The following IFIT5 variants were observed in gnomAD, a reference collection of about 807,000 sequenced individuals.
The protein encoded by IFIT5 is interferon induced protein with tetratricopeptide repeats 5.
IFIT5 carries 2 observed loss-of-function variants against 5.0 expected under a neutral mutation model. That is an observed-to-expected ratio of 0.40 (90% confidence interval 0.16 to 1.26). The LOEUF (loss-of-function observed/expected upper bound fraction) is 1.26, where lower values mean the gene tolerates loss of function less well. IFIT5 is among the 50% of genes most tolerant of loss of function. The probability of loss-of-function intolerance (pLI) is 0.33; values close to 1 mark genes in which losing one functional copy is unlikely to be tolerated. For synonymous variants in IFIT5, 206 were observed against 204.6 expected, an observed-to-expected ratio of 1.01 and a Z score of -0.06; for missense variants, 524 against 563.2, an observed-to-expected ratio of 0.93 and a Z score of 0.70.
chr10:89,414,932 C>T (rs892913661), intron 1 of IFIT5, 129 bp downstream of exon 1: 83 of 1,234,524 alleles, frequency 6.7e-5, no homozygotes, highest in East Asian at 1.2e-4. Context: ...GCCCAGCAAC[C>T]GGGCATCTGC....
chr10:89,415,720 CCTA>C (rs1205989628), intron 1 of IFIT5, among the ~76,000 whole-genome samples: 5 of 152,104 alleles, frequency 3.3e-5, no homozygotes, highest in Non-Finnish European at 5.9e-5. Context: ...GGACTGAACT[CCTA>C]CTAGTTGAGT....
Position 89,418,676 on chromosome 10 carries a change from G to A in IFIT5, c.*28G>A, listed in dbSNP as rs375704977. The A allele has an allele frequency of 9.1e-6, 14 of 1,540,038 alleles. No individual in the cohort carries two copies. The highest frequency in any genetic ancestry group is 2.1e-5 in the Admixed American group (1 of 47,090). ...ACATACTCTAGGAAATTAGCTCTAA[G>A]TTTTTCCCTTCATTTTGGGTTCTCC... On this transcript the variant is annotated 3_prime_UTR_variant, in exon 2 of 2. Coordinates refer to ENST00000371795, the MANE Select transcript of IFIT5 (RefSeq NM_012420.3).
Position 89,417,548 on chromosome 10 carries a change from AC to A in IFIT5, c.350del (p.Thr117LysfsTer4), listed in dbSNP as rs1841552848. 6.2e-7 allele frequency: 1 copy of A among 1,614,116 alleles called. No individual in the cohort carries two copies. The highest frequency in any genetic ancestry group is 8.5e-7 in the Non-Finnish European group (1 of 1,180,036). ...MDQLEEAQKY[T>X]GKIGNVCKKL... ...CCAGCTTGAAGAAGCTCAGAAGTAT[AC>A]AGGTAAGATAGGGAATGTCTGTAAG... is the stretch of plus-strand genomic sequence containing the variant. On this transcript the variant is annotated frameshift_variant, in exon 2 of 2. Coordinates refer to ENST00000371795, the MANE Select transcript of IFIT5 (RefSeq NM_012420.3). LOFTEE classifies it low-confidence loss of function (END_TRUNC).
chr10:89,415,497 T>C (rs1455715679), intron 1 of IFIT5, among the ~76,000 whole-genome samples: 2 of 152,242 alleles, frequency 1.3e-5, no homozygotes, highest in Non-Finnish European at 2.9e-5. Flanking sequence ...CAGATTGTTA[T>C]CGTCCCACCC....
At position 89,418,408 on chromosome 10, in the gene IFIT5, C is replaced by T. The variant is rs778033162; in HGVS notation, c.1209C>T (p.Ala403=). The change falls in exon 2 of 2, where the codon GCC becomes GCT. Residue 403 remains alanine, a synonymous_variant. Transcript: ENST00000371795. ...ENTAIHHYLE[A]LKVKDRSPLR... The stretch of plus-strand genomic sequence containing the variant: ...CTGCCATCCATCATTATTTAGAAGC[C>T]TTAAAGGTCAAAGACAGATCACCCC... The T allele has an allele frequency of 9.3e-6, 15 of 1,614,178 alleles. No individual in the cohort carries two copies. The highest frequency in any genetic ancestry group is 1.3e-5 in the Non-Finnish European group (15 of 1,180,030).
intron 1 of IFIT5, among the ~76,000 whole-genome samples, chr10:89,416,537 T>C (rs1841539658): frequency 6.6e-6 from 1 of 152,226 alleles, no homozygotes; most frequent in Non-Finnish European, 1.5e-5. Flanking sequence ...ACAATAAAAA[T>C]TCTCATGGTG....
chr10:89,417,963 C>T lies in IFIT5; in HGVS notation c.764C>T (p.Ala255Val), dbSNP rs774985156. The part of the protein sequence containing the change: ...ISSQPYVLRY[A>V]AKFYRRKNSW... The stretch of plus-strand genomic sequence containing the variant: ...TCCCAGCCTTACGTCCTTCGTTATG[C>T]AGCCAAGTTCTATAGGAGAAAAAAT... Residue 255 changes from alanine to valine, a missense_variant, in exon 2 of 2, where the codon GCA (alanine) becomes GTA (valine). Transcript: ENST00000371795. 6.2e-7 allele frequency: 1 copy of T among 1,614,184 alleles called. No individual in the cohort carries two copies.
rs1161141459 is a variant in IFIT5, at chr10:89,420,143, T to A, written c.*1495T>A. 1 of 152,200 alleles carries A rather than the reference T, an allele frequency of 6.6e-6. No homozygotes were observed. The highest frequency in any genetic ancestry group is 1.9e-4 in the East Asian group (1 of 5,206). The allele number at this position is 152,200 out of a possible 1,614,324, so 9.4% of individuals were successfully genotyped here. ...ATAATTTGATATGTAAACTTCCAGA[T>A]CTTTTTTCTATGCGTAATCAGACAT... is the stretch of plus-strand genomic sequence containing the variant. On this transcript the variant is annotated 3_prime_UTR_variant, in exon 2 of 2. Transcript: ENST00000371795.
Position 89,419,599 on chromosome 10 carries a change from C to T in IFIT5, c.*951C>T, listed in dbSNP as rs1282573393. The T allele has an allele frequency of 1.3e-5, 2 of 152,060 alleles. No homozygotes were observed. Among genetic ancestry groups the T allele is most frequent in the African/African-American group, 2.4e-5 (1 of 41,384 alleles). The allele number at this position is 152,060 out of a possible 1,614,324, so 9.4% of individuals were successfully genotyped here. ...GTTCTGAATGGAGTTTTTATACCCTCAATTTCTGGCCTTTGGCTATTTTAG... is the reference window on the plus strand; with the variant it reads ...GTTCTGAATGGAGTTTTTATACCCTTAATTTCTGGCCTTTGGCTATTTTAG... On this transcript the variant is annotated 3_prime_UTR_variant, in exon 2 of 2. Coordinates refer to ENST00000371795, the MANE Select transcript of IFIT5 (RefSeq NM_012420.3).
chr10:89,419,854 C>A lies in IFIT5; in HGVS notation c.*1206C>A, dbSNP rs1488797220. ...TGATTACCGACTACACAATTATGTA[C>A]CATCACAGTATTAGTGGAAAAGTAC... On this transcript the variant is annotated 3_prime_UTR_variant, in exon 2 of 2. Coordinates refer to ENST00000371795, the MANE Select transcript of IFIT5 (RefSeq NM_012420.3). 6.6e-6 allele frequency: 1 copy of A among 152,024 alleles called. No individual in the cohort carries two copies. Among genetic ancestry groups the A allele is most frequent in the Non-Finnish European group, 1.5e-5 (1 of 67,994 alleles). The allele number at this position is 152,024 out of a possible 1,614,324, so 9.4% of individuals were successfully genotyped here.
At position 89,418,090 on chromosome 10, in the gene IFIT5, G is replaced by T. The variant is rs749609057; in HGVS notation, c.891G>T (p.Met297Ile). Reference protein sequence around the residue: ...HQMGLCYRAQMIQIKKATHNR... With the variant: ...HQMGLCYRAQIIQIKKATHNR... ...TGGGACTTTGCTACAGGGCACAAAT[G>T]ATCCAAATCAAGAAGGCCACACACA... is the stretch of plus-strand genomic sequence containing the variant. The change falls in exon 2 of 2, where the codon ATG becomes ATT. Residue 297 changes from methionine to isoleucine, a missense_variant. Coordinates refer to ENST00000371795, the MANE Select transcript of IFIT5 (RefSeq NM_012420.3). The T allele has an allele frequency of 1.2e-5, 20 of 1,614,154 alleles. No homozygotes were observed. The highest frequency in any genetic ancestry group is 1.6e-5 in the Non-Finnish European group (19 of 1,180,020).
chr10:89,418,203 C>G lies in IFIT5; in HGVS notation c.1004C>G (p.Ser335Cys), dbSNP rs1234968803. ...TTCAAAGCAGCCATGGAACGAGACT[C>G]TATGTTTGCATTTGCCTACACAGAC... ...FHFKAAMERD[S>C]MFAFAYTDLA... The change falls in exon 2 of 2, where the codon TCT becomes TGT. Residue 335 changes from serine to cysteine, a missense_variant. Ser to Cys is a moderately radical substitution (Grantham distance 112, BLOSUM62 -1). Transcript: ENST00000371795. 5 of 1,614,104 alleles carry G rather than the reference C, an allele frequency of 3.1e-6. No individual in the cohort carries two copies. The highest frequency in any genetic ancestry group is 4.2e-6 in the Non-Finnish European group (5 of 1,180,046).
chr10:89,417,117 T>C, intron 1 of IFIT5, 88 bp from the exon 2 acceptor site: 2 of 1,119,832 alleles, frequency 1.8e-6, no homozygotes, highest in Non-Finnish European at 2.5e-6. Flanking sequence ...GGGATAAAAT[T>C]AGTTGTTATG....
Position 89,418,728 on chromosome 10 carries a change from T to C in IFIT5, c.*80T>C. 1 of 1,381,836 alleles carries C rather than the reference T, an allele frequency of 7.2e-7. No individual in the cohort carries two copies. The highest frequency in any genetic ancestry group is 1.4e-5 in the South Asian group (1 of 68,970). The allele number at this position is 1,381,836 out of a possible 1,614,324, so 85.6% of individuals were successfully genotyped here. On this transcript the variant is annotated 3_prime_UTR_variant, in exon 2 of 2. Transcript: ENST00000371795. ...GTTTGTTTTTTTTTTATTATTTTAATCCCTTGTTTATTATAGAGCTAATAT... is the reference window on the plus strand; with the variant it reads ...GTTTGTTTTTTTTTTATTATTTTAACCCCTTGTTTATTATAGAGCTAATAT...
rs1564817446 is a variant in IFIT5, at chr10:89,417,992, T to C, written c.793T>C (p.Trp265Arg). ...AAKFYRRKNS[W>R]NKALELLKKA... ...CAAGTTCTATAGGAGAAAAAATTCC[T>C]GGAACAAAGCTCTCGAACTTTTAAA... Residue 265 changes from tryptophan (W) to arginine (R), a missense_variant, in exon 2 of 2, where the codon TGG (tryptophan) becomes CGG (arginine). Coordinates refer to ENST00000371795, the MANE Select transcript of IFIT5 (RefSeq NM_012420.3). 6.2e-7 allele frequency: 1 copy of C among 1,614,180 alleles called. No homozygotes were observed. Among genetic ancestry groups the C allele is most frequent in the Middle Eastern group, 1.6e-4 (1 of 6,062 alleles).
intron 1 of IFIT5, among the ~76,000 whole-genome samples, 155 bp downstream of exon 1, chr10:89,414,958 C>T (rs554363612): frequency 2.6e-5 from 4 of 152,176 alleles, no homozygotes; most frequent in African/African-American, 9.7e-5. Context: ...GGACCCTCCC[C>T]GGGCGCTCTG....
chr10:89,414,746 G>T lies in IFIT5; in HGVS notation c.-53G>T. On this transcript the variant is annotated 5_prime_UTR_variant, in exon 1 of 2. Coordinates refer to ENST00000371795, the MANE Select transcript of IFIT5 (RefSeq NM_012420.3). ...TTCCCGCGGTCCCCGGTGCTGAGGA[G>T]AGAGCGATCCGAGGGACTGCGCCGC... 6.3e-7 allele frequency: 1 copy of T among 1,599,010 alleles called. No homozygotes were observed.
At position 89,414,731 on chromosome 10, in the gene IFIT5, C is replaced by A. The variant is rs947749781; in HGVS notation, c.-68C>A. On this transcript the variant is annotated 5_prime_UTR_variant, in exon 1 of 2. Coordinates refer to ENST00000371795, the MANE Select transcript of IFIT5 (RefSeq NM_012420.3). ...CGCCCACCGCGCGGCTTCCCGCGGT[C>A]CCCGGTGCTGAGGAGAGAGCGATCC... 36 of 1,564,388 alleles carry A rather than the reference C, an allele frequency of 2.3e-5. No individual in the cohort carries two copies. Among genetic ancestry groups the A allele is most frequent in the Admixed American group, 1.3e-4 (7 of 52,742 alleles).
chr10:89,418,113 A>G lies in IFIT5; in HGVS notation c.914A>G (p.His305Arg), dbSNP rs369610086. The change falls in exon 2 of 2, where the codon CAC (histidine) becomes CGC (arginine). Residue 305 changes from histidine to arginine, a missense_variant. His to Arg is a conservative substitution (Grantham distance 29). Coordinates refer to ENST00000371795, the MANE Select transcript of IFIT5 (RefSeq NM_012420.3). ...AQMIQIKKAT[H>R]NRPKGKDKLK... ...ATGATCCAAATCAAGAAGGCCACACACAACAGACCTAAAGGAAAGGATAAA... is the reference window on the plus strand; with the variant it reads ...ATGATCCAAATCAAGAAGGCCACACGCAACAGACCTAAAGGAAAGGATAAA... 5.0e-6 allele frequency: 8 copies of G among 1,614,086 alleles called. No homozygotes were observed. Among genetic ancestry groups the G allele is most frequent in the Non-Finnish European group, 6.8e-6 (8 of 1,180,032 alleles).
Sources: allele counts gnomAD v4.1 joint callset (sites outside exome capture counted in the v4.1 genomes callset), GRCh38; gene constraint gnomAD v4.1.1; transcripts MANE v1.5; gene names NCBI Gene and HGNC (gene_info 2026-07-23, HGNC 2026-07-21).